The following MUC5AC variants were observed in gnomAD, a reference collection of about 807,000 sequenced individuals.
MUC5AC encodes the protein mucin 5AC, oligomeric mucus/gel-forming.
A neutral mutation model predicts 169.7 loss-of-function variants in MUC5AC; 158 were observed. The ratio of observed to expected loss-of-function variants is 0.93; its 90% CI spans 0.82 to 1.06. The LOEUF is 1.06. Among genes scored for constraint, MUC5AC ranks in the 50% least tolerant of loss-of-function variants. The probability of loss-of-function intolerance (pLI) is 0.00; values close to 1 mark genes in which losing one functional copy is unlikely to be tolerated. For synonymous variants in MUC5AC, 1,975 were observed against 1,237.0 expected (o/e 1.60, Z -12.52); for missense variants, 4,359 against 3,089.9 (o/e 1.41, Z -9.74).
At chr11:1,194,691 G>T in intron 35 of MUC5AC, 21 bp downstream of exon 35, 1 of 728,914 alleles carries the variant, frequency 1.4e-6, no homozygotes, top group South Asian at 1.4e-5. Context: ...AGGGCTCCCG[G>T]GCATCGTCTG....
rs1304102450 is a variant in MUC5AC at position 1,175,222 on chromosome 11, T to G, written c.2353T>G (p.Cys785Gly). 2.5e-6 allele frequency: 1 copy of G among 398,618 alleles called. No homozygotes were observed. The highest frequency in any genetic ancestry group is 4.4e-6 in the Non-Finnish European group (1 of 226,158). The allele number at this position is 398,618 out of a possible 1,614,324, so 24.7% of individuals were successfully genotyped here. A position where few individuals can be genotyped will look rare whatever the true frequency, so the allele number is the denominator to read the frequency against. ...SVHDSGAICT[C>G]THGKLSCIGG... is the part of the protein sequence containing the mutation. ...CTGACCACCATCTCCTCACAGCACC[T>G]GCACACATGGGAAGCTGAGCTGCAT... Residue 785 changes from cysteine to glycine, a missense_variant, in exon 19 of 49, where the codon TGC becomes GGC. By Grantham distance (159) the Cys-to-Gly change is radical. Transcript: ENST00000621226.
rs1860115468 is a variant in MUC5AC at position 1,160,680 on chromosome 11, G to A, written c.142G>A (p.Gly48Arg). ...CCCTGCCCTCTCTCCTATCGCCCGG[G>A]GGCCCAGCGGTGAGTCTGAGTGTCC... ...HHPALSPIAR[G>R]PSGVPLRGAT... is the part of the protein sequence containing the mutation. The change falls in exon 2 of 49, where the codon GGG becomes AGG. Residue 48 changes from glycine (G) to arginine (R), a missense_variant. Physicochemically the swap from Gly to Arg is moderately radical, Grantham distance 125 (BLOSUM62 -2). Coordinates refer to ENST00000621226, the MANE Select transcript of MUC5AC (RefSeq NM_001304359.2). The A allele has an allele frequency of 1.2e-6, 2 of 1,609,820 alleles. No homozygotes were observed. The highest frequency in any genetic ancestry group is 1.7e-6 in the Non-Finnish European group (2 of 1,179,396).
At chr11:1,161,002 C>T (rs1477874928) in intron 2 of MUC5AC, among the ~76,000 whole-genome samples, 4 of 151,384 alleles carry the variant, frequency 2.6e-5, no homozygotes, top group East Asian at 1.9e-4. Flanking sequence ...CCTTGGTGTC[C>T]CCCCCGTTCA....
intron 1 of MUC5AC, 136 bp downstream of exon 1, chr11:1,158,208 ACTGTGG>A: frequency 1.3e-6 from 1 of 776,966 alleles, no homozygotes; most frequent in Non-Finnish European, 2.0e-6. Context: ...ATAGCCCCTG[ACTGTGG>A]CCTGGCCACG....
chr11:1,178,399 C>A, intron 24 of MUC5AC, 45 bp from the exon 25 acceptor site: 1 of 458,958 alleles, frequency 2.2e-6, no homozygotes, highest in Non-Finnish European at 3.6e-6. Context: ...CTCTGGCCTT[C>A]TCGGTTTGCT....
At position 1,164,101 on chromosome 11, in the gene MUC5AC, C is replaced by T. The variant is rs774411044; in HGVS notation, c.790-5C>T. ...GACTCAGACGGGCTGTGGCCTTTGT[C>T]CTAGGGCATCTGTGAGGAGCTCCTG... On this transcript the variant is annotated splice_region_variant and splice_polypyrimidine_tract_variant and intron_variant, in intron 7 of 48. Transcript: ENST00000621226. 1 of 1,611,988 alleles carries T rather than the reference C, an allele frequency of 6.2e-7. No individual in the cohort carries two copies.
At chr11:1,196,243 G>T (rs1861267429) in intron 37 of MUC5AC, 145 bp from the exon 38 acceptor site, 1 of 657,284 alleles carries the variant, frequency 1.5e-6, no homozygotes, top group Non-Finnish European at 2.7e-6. Flanking sequence ...CCGTGGCGGG[G>T]CACTGGGGTG....
At chr11:1,170,932 C>CACTT (rs1860495655) in intron 15 of MUC5AC, among the ~76,000 whole-genome samples, 1 of 131,838 alleles carries the variant, frequency 7.6e-6, no homozygotes, top group Non-Finnish European at 1.6e-5. Context: ...CTCACCCACT[C>CACTT]ACCCATTCAC....
At chr11:1,160,509 T>G in intron 1 of MUC5AC, 103 bp from the exon 2 acceptor site, 1 of 983,088 alleles carries the variant, frequency 1.0e-6, no homozygotes, top group South Asian at 1.4e-5. Flanking sequence ...CCCCACGCAC[T>G]GTGGCCTCCC....
intron 2 of MUC5AC, among the ~76,000 whole-genome samples, chr11:1,160,959 G>C (rs1343933906): frequency 2.0e-5 from 3 of 152,196 alleles, no homozygotes; most frequent in Non-Finnish European, 4.4e-5. Flanking sequence ...CGTGGGAGCC[G>C]GTCACCCTCC....
intron 25 of MUC5AC, among the ~76,000 whole-genome samples, 185 bp downstream of exon 25, chr11:1,178,868 A>G (rs1345244381): frequency 6.6e-6 from 1 of 152,076 alleles, no homozygotes; most frequent in African/African-American, 2.4e-5. Flanking sequence ...CCTGTCAGCT[A>G]TGGTTTCGGG....
At chr11:1,194,960 G>A in intron 35 of MUC5AC, 52 bp from the exon 36 acceptor site, 1 of 665,466 alleles carries the variant, frequency 1.5e-6, no homozygotes, top group Non-Finnish European at 2.8e-6. Flanking sequence ...GCTGGGGGTG[G>A]GGCCAGCCGG....
At chr11:1,171,632 C>T (rs1254211968) in intron 15 of MUC5AC, among the ~76,000 whole-genome samples, 1 of 144,080 alleles carries the variant, frequency 6.9e-6, no homozygotes, top group African/African-American at 2.6e-5. Flanking sequence ...AACTCACTCA[C>T]CCACTCACCC....
chr11:1,200,041 G>A (rs1367479949), intron 48 of MUC5AC, 72 bp downstream of exon 48: 9 of 654,002 alleles, frequency 1.4e-5, no homozygotes, highest in Non-Finnish European at 2.5e-5. Flanking sequence ...AGGGCTCTAG[G>A]TGCCAGATAG....
chr11:1,167,835 TTGGA>T (rs1199283616), intron 11 of MUC5AC, 38 bp from the exon 12 acceptor site: 29 of 1,511,660 alleles, frequency 1.9e-5, no homozygotes, highest in Non-Finnish European at 2.6e-5. Context: ...GGGCTGGGCG[TTGGA>T]TGGAGTGTGA....
chr11:1,162,658 TG>T lies in MUC5AC; in HGVS notation c.588+17del. On this transcript the variant is annotated intron_variant, in intron 5 of 48. Coordinates refer to ENST00000621226, the MANE Select transcript of MUC5AC (RefSeq NM_001304359.2). ...ATGACAGCCTGCTGGTGAGGCTGGG[TG>T]GGGGTGTCCCGGTGTGCAACTCCAG... 6.2e-7 allele frequency: 1 copy of T among 1,609,470 alleles called. No individual in the cohort carries two copies. The highest frequency in any genetic ancestry group is 8.5e-7 in the Non-Finnish European group (1 of 1,176,972).
chr11:1,178,792 G>A (rs920364628), intron 25 of MUC5AC, 109 bp downstream of exon 25: 1 of 547,296 alleles, frequency 1.8e-6, no homozygotes, highest in Non-Finnish European at 2.8e-6. Context: ...CCAACCAAGG[G>A]TGTGGGCTGC....
rs1437613350 is a variant in MUC5AC at position 1,188,392 on chromosome 11, C to T, written c.10247C>T (p.Ser3416Leu). The T allele has an allele frequency of 1.6e-5, 10 of 632,710 alleles. No individual in the cohort carries two copies. Among genetic ancestry groups the T allele is most frequent in the African/African-American group, 7.2e-5 (4 of 55,386 alleles). 39.2% of individuals were successfully genotyped at this position (632,710 alleles called of 1,614,324 possible). The change falls in exon 31 of 49, where the codon TCG becomes TTG. Residue 3416 changes from serine (S) to leucine (L), a missense_variant. Ser to Leu is a moderately radical substitution (Grantham distance 145). Coordinates refer to ENST00000621226, the MANE Select transcript of MUC5AC (RefSeq NM_001304359.2). Reference protein sequence around the residue: ...ISSAPTSSTTSAPTSSTISAR... With the variant: ...ISSAPTSSTTLAPTSSTISAR... ...TCTGCCCCTACAAGCAGCACAACCT[C>T]GGCTCCTACAAGCAGCACAATCTCT...
intron 15 of MUC5AC, among the ~76,000 whole-genome samples, chr11:1,170,680 CCCAT>C (rs1860485911): frequency 7.0e-6 from 1 of 142,248 alleles, no homozygotes; most frequent in Non-Finnish European, 1.5e-5. Context: ...CACCAACTCA[CCCAT>C]TCACCCACTC....
Sources: allele counts gnomAD v4.1 joint callset (sites outside exome capture counted in the v4.1 genomes callset), GRCh38; gene constraint gnomAD v4.1.1; transcripts MANE v1.5; gene names NCBI Gene and HGNC (gene_info 2026-07-23, HGNC 2026-07-21).